ART3: variants seen among roughly 807,000 people sequenced by gnomAD.
ART3 encodes ecto-ADP-ribosyltransferase 3.
A neutral mutation model predicts 48.5 loss-of-function variants in ART3; 49 were observed. That is an observed-to-expected ratio of 1.01 (90% CI 0.80 to 1.28). ART3 has a LOEUF of 1.28. Ranked by LOEUF, ART3 falls within the 50% of genes most tolerant of loss-of-function variation. The probability of loss-of-function intolerance (pLI) is 0.00; values close to 1 mark genes in which losing one functional copy is unlikely to be tolerated. For synonymous variants in ART3, 145 were observed against 157.2 expected (o/e 0.92, Z 0.58); for missense variants, 438 against 454.3 (o/e 0.96, Z 0.33).
At chr4:76,093,378 C>T (rs529983056) in intron 3 of ART3, among the ~76,000 whole-genome samples, 38 of 152,184 alleles carry the variant, frequency 2.5e-4, no homozygotes, top group African/African-American at 7.0e-4. Context: ...CAGTGAGCCA[C>T]GACTGCGCCA....
intron 1 of ART3, among the ~76,000 whole-genome samples, chr4:76,014,735 T>A (rs1392560509): frequency 2.0e-5 from 3 of 152,164 alleles, no homozygotes; most frequent in East Asian, 1.9e-4. Context: ...CTCAAAAAGA[T>A]CCACACTGAG....
rs551909309 is a variant in ART3 at position 76,097,421 on chromosome 4, G to T, written c.782-223G>T. Among the ~76,000 whole-genome samples, 5 of 152,010 alleles carry T rather than the reference G, an allele frequency of 3.3e-5. No individual in the cohort carries two copies. The East Asian group carries it at 7.8e-4, about 24-fold the overall frequency. ...GGGGTCTCCCTATGTTGCCCAGGCT[G>T]GTCTTGAACTCCTGGGCTGAAGCGA... On this transcript the variant is annotated intron_variant, in intron 3 of 11. Coordinates refer to ENST00000355810, the MANE Select transcript of ART3 (RefSeq NM_001130016.3).
At chr4:76,077,733 T>G (rs1469068140) in intron 2 of ART3, among the ~76,000 whole-genome samples, 1 of 152,214 alleles carries the variant, frequency 6.6e-6, no homozygotes, top group South Asian at 2.1e-4. Flanking sequence ...GTGGAATTGC[T>G]GGGTTGTACG....
intron 2 of ART3, among the ~76,000 whole-genome samples, chr4:76,076,826 A>G (rs1337593107): frequency 2.0e-5 from 3 of 152,172 alleles, no homozygotes; most frequent in Admixed American, 6.5e-5. Flanking sequence ...TATGTAAAAT[A>G]TAATATTTCA....
chr4:76,095,828 T>A (rs1725883513), intron 3 of ART3, among the ~76,000 whole-genome samples: 1 of 152,204 alleles, frequency 6.6e-6, no homozygotes, highest in Non-Finnish European at 1.5e-5. Flanking sequence ...CTTACATCTG[T>A]AGCTTTCTTA....
chr4:76,096,318 A>G lies in ART3; in HGVS notation c.782-1326A>G, dbSNP rs138810181. Among the ~76,000 whole-genome samples, 722 of 152,340 alleles carry G rather than the reference A, an allele frequency of 4.7e-3. 5 individuals carry two copies. Among genetic ancestry groups the G allele is most frequent in the African/African-American group, 0.017 (691 of 41,562 alleles). ...CTCAGGGCACTGTCCAGATTCTAAC[A>G]CATCTGTTATTTCCTGGACCAGTAG... On this transcript the variant is annotated intron_variant, in intron 3 of 11. Coordinates refer to ENST00000355810, the MANE Select transcript of ART3 (RefSeq NM_001130016.3).
chr4:76,021,077 A>G (rs1732760774), intron 1 of ART3: 1 of 152,196 alleles, frequency 6.6e-6, no homozygotes, highest in Non-Finnish European at 1.5e-5. Context: ...GTTTCTTATG[A>G]AATAAATATC....
At chr4:76,034,715 T>C in intron 1 of ART3, 3 of 1,072,202 alleles carry the variant, frequency 2.8e-6, no homozygotes, top group Non-Finnish European at 4.2e-6. Flanking sequence ...AGAATTCTTG[T>C]CATTTCAGTA....
At chr4:76,013,518 C>G (rs1489986203) in intron 1 of ART3, among the ~76,000 whole-genome samples, 1 of 152,154 alleles carries the variant, frequency 6.6e-6, no homozygotes, top group African/African-American at 2.4e-5. Context: ...TTCCTTGTGT[C>G]TACGTAGTTT....
intron 2 of ART3, among the ~76,000 whole-genome samples, chr4:76,077,698 A>T (rs533237185): frequency 7.2e-5 from 11 of 152,086 alleles, no homozygotes; most frequent in Non-Finnish European, 1.6e-4. Flanking sequence ...AACATGTTTC[A>T]CTTCTCTTGG....
intron 3 of ART3, among the ~76,000 whole-genome samples, chr4:76,090,941 A>G (rs951190218): frequency 6.6e-6 from 1 of 152,134 alleles, no homozygotes; most frequent in African/African-American, 2.4e-5. Flanking sequence ...GGCATCTACT[A>G]ATGTACTTGC....
intron 1 of ART3, among the ~76,000 whole-genome samples, chr4:76,013,304 GA>G (rs1560572235): frequency 6.6e-6 from 1 of 152,088 alleles, no homozygotes; most frequent in Non-Finnish European, 1.5e-5. Flanking sequence ...ACGGTAGAGT[GA>G]ATAATGGAGT....
At chr4:76,043,508 C>T (rs560684130) in intron 1 of ART3, among the ~76,000 whole-genome samples, 133 of 152,270 alleles carry the variant, frequency 8.7e-4, no homozygotes, top group Non-Finnish European at 1.7e-3. Context: ...CCCAGTACAC[C>T]CTCCGCAGCT....
intron 1 of ART3, among the ~76,000 whole-genome samples, chr4:76,027,751 G>A (rs1332623433): frequency 4.2e-5 from 5 of 120,120 alleles, no homozygotes; most frequent in Non-Finnish European, 8.4e-5. Flanking sequence ...ATGGTAAAGG[G>A]GGAAGCCAAC....
intron 10 of ART3, chr4:76,105,466 A>C: frequency 7.8e-7 from 1 of 1,277,178 alleles, no homozygotes; most frequent in Non-Finnish European, 1.0e-6. Context: ...TGGTGGTAAC[A>C]TAGTAGTAAA....
At chr4:76,034,355 TACAG>T in intron 1 of ART3, 1 of 421,922 alleles carries the variant, frequency 2.4e-6, no homozygotes, top group Non-Finnish European at 4.1e-6. Flanking sequence ...TAAAGATCAA[TACAG>T]ACAGATGACT....
intron 1 of ART3, among the ~76,000 whole-genome samples, chr4:76,059,346 C>T (rs12502834): frequency 0.58 from 87,184 of 149,236 alleles, 26,324 homozygotes; most frequent in East Asian, 0.94. Flanking sequence ...TTGCTGTCTT[C>T]TCGTTATTTT....
At chr4:76,035,043 T>A (rs1474860871) in intron 1 of ART3, 1 of 1,610,844 alleles carries the variant, frequency 6.2e-7, no homozygotes, top group Non-Finnish European at 8.5e-7. Flanking sequence ...ATTTGGTAAC[T>A]TACTTTGATT....
At chr4:76,037,496 TCTCA>T (rs1348384250) in intron 1 of ART3, among the ~76,000 whole-genome samples, 1 of 152,136 alleles carries the variant, frequency 6.6e-6, no homozygotes, top group African/African-American at 2.4e-5. Context: ...ATGAGATGGG[TCTCA>T]CTCTGTCACC....
Sources: gnomAD v4.1 joint callset for allele counts (sites outside exome capture counted in the v4.1 genomes callset) on GRCh38, gnomAD v4.1.1 for gene constraint, MANE v1.5 for transcripts, NCBI Gene and HGNC (gene_info 2026-07-23, HGNC 2026-07-21) for gene names.